The following ZDHHC21 variants were observed in gnomAD, a reference collection of about 807,000 sequenced individuals.
ZDHHC21 encodes the protein palmitoyltransferase ZDHHC21.
A neutral mutation model predicts 34.6 loss-of-function variants in ZDHHC21; 15 were observed. The ratio of observed to expected loss-of-function variants is 0.43; its 90% CI spans 0.29 to 0.67. The LOEUF is 0.67. Ranked by LOEUF, ZDHHC21 falls within the 30% of genes least tolerant of loss-of-function variation. The pLI is 0.14. For missense variants in ZDHHC21, 344 were observed against 327.7 expected (o/e 1.05, Z -0.38); for synonymous variants, 142 against 101.8 (o/e 1.40, Z -2.38).
At chr9:14,619,856 G>C (rs556454017) in intron 8 of ZDHHC21, among the ~76,000 whole-genome samples, 174 bp from the exon 9 acceptor site, 10 of 143,710 alleles carry the variant, frequency 7.0e-5, no homozygotes, top group Non-Finnish European at 1.2e-4. Flanking sequence ...AATCCCCTTG[G>C]AAAAACAAAA....
At chr9:14,691,320 T>C (rs1016201223) in intron 1 of ZDHHC21, among the ~76,000 whole-genome samples, 17 of 152,238 alleles carry the variant, frequency 1.1e-4, no homozygotes, top group African/African-American at 4.1e-4. Context: ...TGGCAGCAGT[T>C]TGCACTTGTT....
At chr9:14,679,196 T>G (rs917579508) in intron 3 of ZDHHC21, among the ~76,000 whole-genome samples, 1 of 152,138 alleles carries the variant, frequency 6.6e-6, no homozygotes, top group African/African-American at 2.4e-5. Context: ...ATATGTATAC[T>G]GAATTATGTA....
chr9:14,604,459 T>C, the ZDHHC21 span, among the ~76,000 whole-genome samples: 2 of 152,148 alleles, frequency 1.3e-5, no homozygotes, highest in Non-Finnish European at 2.9e-5. Flanking sequence ...ACATACATCA[T>C]AAAAGCACAA....
At chr9:14,683,297 C>A (rs569191743) in intron 2 of ZDHHC21, among the ~76,000 whole-genome samples, 2 of 147,304 alleles carry the variant, frequency 1.4e-5, no homozygotes, top group South Asian at 2.2e-4. Flanking sequence ...ATTGATAGAC[C>A]GCTAGCAAGA....
rs188397247 is a variant in ZDHHC21, at chr9:14,682,715, T to A, written c.-175-2553A>T. Among the ~76,000 whole-genome samples, 4 of 152,166 alleles carry A rather than the reference T, an allele frequency of 2.6e-5. No individual in the cohort carries two copies. In the East Asian group the frequency reaches 7.7e-4, roughly 29 times the overall value. On this transcript the variant is annotated intron_variant, in intron 2 of 9. Coordinates refer to ENST00000380916, the MANE Select transcript of ZDHHC21 (RefSeq NM_178566.6). ...ATAGACATCTACAGAACTCTCCACC[T>A]CAAATCAACAGAATATACACCCTTC...
At chr9:14,601,397 G>C in the ZDHHC21 span, among the ~76,000 whole-genome samples, 148 of 151,892 alleles carry the variant, frequency 9.7e-4, 2 homozygotes, top group African/African-American at 3.5e-3. Flanking sequence ...ATGAAAAAAA[G>C]GTCATCATCA....
intron 5 of ZDHHC21, among the ~76,000 whole-genome samples, chr9:14,664,074 T>C (rs1297628414): frequency 6.6e-6 from 1 of 152,068 alleles, no homozygotes; most frequent in Non-Finnish European, 1.5e-5. Context: ...AGACGGGTGA[T>C]TTCTGCATTT....
chr9:14,638,583 T>C (rs139291355), intron 8 of ZDHHC21, among the ~76,000 whole-genome samples: 28 of 151,892 alleles, frequency 1.8e-4, no homozygotes, highest in African/African-American at 6.0e-4. Flanking sequence ...AATCAACACA[T>C]TGAAGAGACA....
intron 5 of ZDHHC21, among the ~76,000 whole-genome samples, chr9:14,665,428 G>T (rs1362270516): frequency 6.8e-6 from 1 of 146,536 alleles, no homozygotes; most frequent in Admixed American, 6.8e-5. Context: ...CACTCTGCAG[G>T]ATATTATCCA....
the ZDHHC21 span, chr9:14,588,841 G>A: frequency 1.3e-5 from 2 of 152,056 alleles, no homozygotes; most frequent in East Asian, 1.9e-4. Context: ...GAAGCAGCCT[G>A]AGAAAAAGCA....
chr9:14,688,907 G>A (rs374024385), intron 2 of ZDHHC21, among the ~76,000 whole-genome samples: 1 of 151,928 alleles, frequency 6.6e-6, no homozygotes, highest in African/African-American at 2.4e-5. Context: ...AGCCGGGTGT[G>A]GTGGCACATG....
chr9:14,619,204 T>A, intron 9 of ZDHHC21, 106 bp from the exon 10 acceptor site: 1 of 1,220,302 alleles, frequency 8.2e-7, no homozygotes, highest in Non-Finnish European at 1.1e-6. Context: ...CTCTGATGAA[T>A]TGTGTCCCAG....
the ZDHHC21 span, chr9:14,589,968 T>A: frequency 1.3e-5 from 2 of 152,284 alleles, no homozygotes; most frequent in Middle Eastern, 3.4e-3. Flanking sequence ...GGAAGAAAGT[T>A]AGTCAATAAA....
At chr9:14,675,768 G>A (rs1258954726) in intron 3 of ZDHHC21, among the ~76,000 whole-genome samples, 1 of 151,882 alleles carries the variant, frequency 6.6e-6, no homozygotes, top group Non-Finnish European at 1.5e-5. Flanking sequence ...TGTTAGTAGG[G>A]GCACAGAAGA....
At chr9:14,606,317 A>G (rs994623237), downstream of ZDHHC21, among the ~76,000 whole-genome samples, 1 of 152,150 alleles carries the variant, frequency 6.6e-6, no homozygotes, top group Non-Finnish European at 1.5e-5. Context: ...AAAGTGACAT[A>G]GTTTCTTTCT....
At chr9:14,638,954 TA>T (rs1828794080) in intron 8 of ZDHHC21, among the ~76,000 whole-genome samples, 2 of 151,836 alleles carry the variant, frequency 1.3e-5, no homozygotes, top group South Asian at 4.2e-4. Flanking sequence ...TGAGAATTCT[TA>T]AAAAACTAAA....
Position 14,674,360 on chromosome 9 carries a change from C to G in ZDHHC21, c.-20G>C. 1 of 1,575,778 alleles carries G rather than the reference C, an allele frequency of 6.3e-7. No individual in the cohort carries two copies. The highest frequency in any genetic ancestry group is 8.6e-7 in the Non-Finnish European group (1 of 1,165,384). Reference sequence around the variant, plus strand: ...ACCCATTTTGCAATCTTATAACTGCCTGCTAACCCACAAGGAAGGATGATC... The same window carrying G: ...ACCCATTTTGCAATCTTATAACTGCGTGCTAACCCACAAGGAAGGATGATC... On this transcript the variant is annotated 5_prime_UTR_variant, in exon 4 of 10. Transcript: ENST00000380916.
chr9:14,640,135 C>T (rs1203319504), intron 7 of ZDHHC21, 123 bp from the exon 8 acceptor site: 1 of 532,318 alleles, frequency 1.9e-6, no homozygotes, highest in Non-Finnish European at 3.4e-6. Context: ...ACTACCTCTC[C>T]CTCTTTTATA....
At chr9:14,654,669 G>C (rs1200500771) in intron 7 of ZDHHC21, among the ~76,000 whole-genome samples, 2 of 151,944 alleles carry the variant, frequency 1.3e-5, no homozygotes, top group East Asian at 3.9e-4. Context: ...ATCAATGAAA[G>C]AAAGTATCAA....
Sources: gnomAD v4.1 joint callset for allele counts (sites outside exome capture counted in the v4.1 genomes callset) on GRCh38, gnomAD v4.1.1 for gene constraint, MANE v1.5 for transcripts, NCBI Gene and HGNC (gene_info 2026-07-23, HGNC 2026-07-21) for gene names.